The following IGBP1C variants were observed in gnomAD, a reference collection of about 807,000 sequenced individuals.
IGBP1C encodes the protein IGBP1 family member C, also known as immunoglobulin-binding protein 1 family member C.
the IGBP1C span, among the ~76,000 whole-genome samples, chr17:58,691,450 C>T: frequency 1.3e-5 from 2 of 151,664 alleles, no homozygotes; most frequent in African/African-American, 2.4e-5. Flanking sequence ...AGGCGGATCA[C>T]GAGGTCAGGA....
the IGBP1C span, chr17:58,661,159 A>C: frequency 1.2e-6 from 1 of 821,420 alleles, no homozygotes; most frequent in South Asian, 1.3e-5. Context: ...CGAGGCTAGG[A>C]TAAGCCGTGG....
the IGBP1C span, among the ~76,000 whole-genome samples, chr17:58,686,781 T>A: frequency 6.6e-6 from 1 of 152,024 alleles, no homozygotes; most frequent in Non-Finnish European, 1.5e-5. Context: ...TATGCCTTTA[T>A]TCAGAGGTTT....
the IGBP1C span, chr17:58,679,506 C>A: frequency 6.6e-6 from 1 of 152,126 alleles, no homozygotes; most frequent in South Asian, 2.1e-4. Flanking sequence ...CAACGTACGC[C>A]TTTTATAAAC....
At chr17:58,670,055 T>C in the IGBP1C span, among the ~76,000 whole-genome samples, 4 of 152,192 alleles carry the variant, frequency 2.6e-5, no homozygotes, top group Admixed American at 1.3e-4. Context: ...AGCCTTTGCC[T>C]GTGTAGTTCC....
chr17:58,671,756 A>G, the IGBP1C span, among the ~76,000 whole-genome samples: 110 of 151,816 alleles, frequency 7.2e-4, 1 homozygote, highest in African/African-American at 2.6e-3. Flanking sequence ...TTCTTGTTCT[A>G]TTTTCTCACC....
chr17:58,661,684 T>A, the IGBP1C span: 2 of 605,018 alleles, frequency 3.3e-6, no homozygotes, highest in Admixed American at 3.0e-5. Flanking sequence ...ACAACCAGTC[T>A]GAATCGGGCG....
At chr17:58,676,875 A>G in the IGBP1C span, among the ~76,000 whole-genome samples, 4 of 152,074 alleles carry the variant, frequency 2.6e-5, no homozygotes, top group East Asian at 3.9e-4. Context: ...TCACGCCTGT[A>G]ATCCCAGTAC....
chr17:58,671,773 C>T, the IGBP1C span, among the ~76,000 whole-genome samples: 1 of 152,158 alleles, frequency 6.6e-6, no homozygotes, highest in Non-Finnish European at 1.5e-5. Context: ...CACCATTTTA[C>T]ATGTTTTGAG....
chr17:58,682,839 A>G, the IGBP1C span, among the ~76,000 whole-genome samples: 1 of 152,128 alleles, frequency 6.6e-6, no homozygotes, highest in African/African-American at 2.4e-5. Context: ...ACTCTAAGCA[A>G]GTTAAGAAAA....
the IGBP1C span, among the ~76,000 whole-genome samples, chr17:58,672,765 T>C: frequency 6.6e-6 from 1 of 151,820 alleles, no homozygotes; most frequent in Non-Finnish European, 1.5e-5. Flanking sequence ...GGAGTCTCGC[T>C]CTGTCACCCG....
chr17:58,674,912 A>AG, the IGBP1C span, among the ~76,000 whole-genome samples: 54 of 151,228 alleles, frequency 3.6e-4, 1 homozygote, highest in Admixed American at 2.0e-3. Context: ...TGGGAGGCTG[A>AG]GGGGGGGTGC....
the IGBP1C span, among the ~76,000 whole-genome samples, chr17:58,666,339 CTG>C: frequency 1.3e-5 from 2 of 151,530 alleles, no homozygotes; most frequent in African/African-American, 2.4e-5. Flanking sequence ...TAGAGCAAGA[CTG>C]TGTCCCAAAA....
At chr17:58,685,800 T>G in the IGBP1C span, among the ~76,000 whole-genome samples, 1 of 151,404 alleles carries the variant, frequency 6.6e-6, no homozygotes, top group Non-Finnish European at 1.5e-5. Flanking sequence ...AAGATCAGCC[T>G]GGCCAACATG....
chr17:58,674,922 C>T, the IGBP1C span, among the ~76,000 whole-genome samples: 1 of 149,526 alleles, frequency 6.7e-6, no homozygotes, highest in Non-Finnish European at 1.5e-5. Flanking sequence ...AGGGGGGGTG[C>T]ATCACTTGAA....
the IGBP1C span, chr17:58,675,433 G>T: frequency 6.5e-6 from 1 of 154,744 alleles, no homozygotes; most frequent in South Asian, 1.8e-4. Context: ...TGAAGTGAGA[G>T]GAGATGAGAA....
At chr17:58,665,342 G>A in the IGBP1C span, among the ~76,000 whole-genome samples, 3 of 151,730 alleles carry the variant, frequency 2.0e-5, no homozygotes, top group African/African-American at 4.8e-5. Flanking sequence ...AATGACTCAT[G>A]CCTGAAATCC....
At chr17:58,683,846 C>T in the IGBP1C span, among the ~76,000 whole-genome samples, 2 of 151,544 alleles carry the variant, frequency 1.3e-5, no homozygotes, top group African/African-American at 4.8e-5. Context: ...GCGGGCGGAT[C>T]ACAAGGTCAA....
At chr17:58,671,562 C>A in the IGBP1C span, among the ~76,000 whole-genome samples, 1 of 152,218 alleles carries the variant, frequency 6.6e-6, no homozygotes, top group African/African-American at 2.4e-5. Flanking sequence ...CCAGCTCAGG[C>A]CCCAAGCTTT....
chr17:58,689,180 G>A, the IGBP1C span, among the ~76,000 whole-genome samples: 1 of 151,684 alleles, frequency 6.6e-6, no homozygotes, highest in Non-Finnish European at 1.5e-5. Flanking sequence ...CGCCCACCTC[G>A]GCCTCCCAAA....
Sources: gnomAD v4.1 joint callset for allele counts (sites outside exome capture counted in the v4.1 genomes callset) on GRCh38, gnomAD v4.1.1 for gene constraint, MANE v1.5 for transcripts, NCBI Gene and HGNC (gene_info 2026-07-23, HGNC 2026-07-21) for gene names.